PKP1: variants seen among roughly 807,000 people sequenced by gnomAD.
PKP1 encodes the protein plakophilin 1.
Under a neutral mutation model 76.4 loss-of-function variants are expected in PKP1, and 27 were observed. The observed-to-expected ratio is 0.35, with a 90% CI of 0.26 to 0.49. The LOEUF (loss-of-function observed/expected upper bound fraction) is 0.49, where lower values mean the gene tolerates loss of function less well. Ranked by LOEUF, PKP1 falls within the 20% of genes least tolerant of loss-of-function variation. PKP1 has a pLI of 0.99. For missense variants in PKP1, 964 were observed against 955.2 expected, an observed-to-expected ratio of 1.01 and a Z score of -0.12; for synonymous variants, 404 against 384.2, an observed-to-expected ratio of 1.05 and a Z score of -0.60.
intron 2 of PKP1, among the ~76,000 whole-genome samples, chr1:201,306,905 C>T (rs1007830979): frequency 1.3e-5 from 2 of 152,086 alleles, no homozygotes; most frequent in African/African-American, 4.8e-5. Flanking sequence ...CTCCTGACCT[C>T]GTGATCCGCC....
At chr1:201,318,533 C>T in intron 5 of PKP1, 85 bp from the exon 6 acceptor site, 1 of 1,220,542 alleles carries the variant, frequency 8.2e-7, no homozygotes. Flanking sequence ...GGCCCATTTG[C>T]CAGAGTCCAG....
chr1:201,314,682 C>T (rs755277867), intron 3 of PKP1, among the ~76,000 whole-genome samples: 3 of 152,192 alleles, frequency 2.0e-5, no homozygotes, highest in Non-Finnish European at 2.9e-5. Context: ...CTGGGGGCTC[C>T]CTGAACCTTT....
rs1428059324 is a variant in PKP1 at position 201,325,745 on chromosome 1, C to T, written c.2022-9C>T. The T allele has an allele frequency of 2.5e-6, 4 of 1,609,924 alleles. No homozygotes were observed. The highest frequency in any genetic ancestry group is 3.3e-5 in the Admixed American group (2 of 60,026). On this transcript the variant is annotated splice_polypyrimidine_tract_variant and intron_variant, in intron 11 of 13. Coordinates refer to ENST00000367324, the MANE Select transcript of PKP1 (RefSeq NM_001005337.3). ...TCTCATCTCACAAATGCACTTCTCA[C>T]CTGCCCAGTGCCTCACCCAAGGCCG...
chr1:201,318,695 C>G lies in PKP1; in HGVS notation c.1132C>G (p.Arg378Gly). 1.9e-6 allele frequency: 3 copies of G among 1,612,288 alleles called. No homozygotes were observed. The highest frequency in any genetic ancestry group is 2.5e-6 in the Non-Finnish European group (3 of 1,179,912). Residue 378 changes from arginine to glycine, a missense_variant, in exon 6 of 14, where the codon CGC (arginine) becomes GGC (glycine). Physicochemically the swap from Arg to Gly is moderately radical, Grantham distance 125. Coordinates refer to ENST00000367324, the MANE Select transcript of PKP1 (RefSeq NM_001005337.3). The part of the protein sequence containing the change: ...IADALPVLAD[R>G]VIIPFSGWCD... ...CGACGCCCTGCCTGTTCTGGCCGACCGCGTCATCATTCCCTTCTCTGGCTG... is the reference window on the plus strand; with the variant it reads ...CGACGCCCTGCCTGTTCTGGCCGACGGCGTCATCATTCCCTTCTCTGGCTG...
intron 1 of PKP1, among the ~76,000 whole-genome samples, chr1:201,285,990 C>T (rs544543887): frequency 6.6e-6 from 1 of 152,372 alleles, no homozygotes; most frequent in East Asian, 1.9e-4. Flanking sequence ...GCAGAGGCAT[C>T]CTTGCTGGAA....
intron 1 of PKP1, among the ~76,000 whole-genome samples, chr1:201,287,165 G>T (rs1185293254): frequency 6.6e-6 from 1 of 152,250 alleles, no homozygotes; most frequent in Non-Finnish European, 1.5e-5. Context: ...TAGAAGTACT[G>T]TTTCCCATCT....
At chr1:201,311,938 C>A (rs1296270486) in intron 2 of PKP1, among the ~76,000 whole-genome samples, 7 of 152,248 alleles carry the variant, frequency 4.6e-5, no homozygotes, top group Admixed American at 1.3e-4. Context: ...AAGTCTCCAA[C>A]CTCACAGGCC....
intron 1 of PKP1, among the ~76,000 whole-genome samples, chr1:201,290,121 C>T (rs1558182389): frequency 6.6e-6 from 1 of 152,108 alleles, no homozygotes; most frequent in Non-Finnish European, 1.5e-5. Context: ...GTCTAAGGCA[C>T]CAAAGGGAAG....
chr1:201,320,994 G>T (rs756678380), intron 7 of PKP1, among the ~76,000 whole-genome samples: 3 of 152,216 alleles, frequency 2.0e-5, no homozygotes, highest in Non-Finnish European at 4.4e-5. Context: ...AAAAGTTGTG[G>T]AGGGCAGATA....
At chr1:201,291,875 G>A (rs1461985495) in intron 1 of PKP1, among the ~76,000 whole-genome samples, 1 of 152,210 alleles carries the variant, frequency 6.6e-6, no homozygotes, top group Non-Finnish European at 1.5e-5. Context: ...CCTTCCTTGG[G>A]AGCACCAGTC....
At chr1:201,326,592 C>T (rs559359310) in intron 12 of PKP1, among the ~76,000 whole-genome samples, 6 of 152,332 alleles carry the variant, frequency 3.9e-5, no homozygotes, top group African/African-American at 1.4e-4. Flanking sequence ...TTCATAAAGA[C>T]ACATCAGATG....
chr1:201,319,950 C>A (rs937465691), intron 6 of PKP1: 110 of 1,499,044 alleles, frequency 7.3e-5, no homozygotes, highest in Admixed American at 3.2e-4. Context: ...AGTTACTGGG[C>A]AGAGTGAAGG....
chr1:201,317,449 G>C, intron 4 of PKP1, 123 bp from the exon 5 acceptor site: 1 of 842,372 alleles, frequency 1.2e-6, no homozygotes, highest in Non-Finnish European at 2.0e-6. Flanking sequence ...TATTTTGGTT[G>C]ACTTGAATAT....
At chr1:201,316,033 T>C (rs4915507) in intron 3 of PKP1, among the ~76,000 whole-genome samples, 1 of 149,988 alleles carries the variant, frequency 6.7e-6, no homozygotes, top group Non-Finnish European at 1.5e-5. Context: ...TGGGGATGGA[T>C]AGATGGATGG....
chr1:201,295,265 T>C (rs985746683), intron 2 of PKP1, among the ~76,000 whole-genome samples: 1 of 152,154 alleles, frequency 6.6e-6, no homozygotes, highest in East Asian at 1.9e-4. Context: ...CTGAGTTCTT[T>C]TGGGGGCTAA....
Position 201,325,825 on chromosome 1 carries a change from G to T in PKP1, c.2093G>T (p.Gly698Val), listed in dbSNP as rs201628992. Residue 698 changes from glycine (G) to valine (V), a missense_variant, in exon 12 of 14, where the codon GGT becomes GTT. Physicochemically the swap from Gly to Val is moderately radical, Grantham distance 109 (BLOSUM62 -3). Transcript: ENST00000367324. ...ATGTGGTCCAGCAAGGAACTGCAGG[G>T]TGTCCTCAGACAGGTAAGAGCCCAG... The part of the protein sequence containing the change: ...SDMWSSKELQ[G>V]VLRQQGFDRN... The T allele has an allele frequency of 5.0e-6, 8 of 1,613,590 alleles. No homozygotes were observed. Among genetic ancestry groups the T allele is most frequent in the Non-Finnish European group, 4.2e-6 (5 of 1,179,574 alleles).
At chr1:201,328,566 T>C (rs761269360) in intron 12 of PKP1, 196 bp from the exon 13 acceptor site, 18 of 639,004 alleles carry the variant, frequency 2.8e-5, no homozygotes, top group Non-Finnish European at 4.9e-5. Flanking sequence ...TCAAACACAT[T>C]GCACCGACTC....
At chr1:201,296,194 G>A (rs1023213840) in intron 2 of PKP1, among the ~76,000 whole-genome samples, 19 of 152,226 alleles carry the variant, frequency 1.2e-4, no homozygotes, top group African/African-American at 4.3e-4. Flanking sequence ...ATGAAGATTT[G>A]GCAGAGGGAG....
At chr1:201,321,877 G>T in intron 7 of PKP1, 101 bp from the exon 8 acceptor site, 4 of 1,378,024 alleles carry the variant, frequency 2.9e-6, no homozygotes, top group Non-Finnish European at 4.1e-6. Context: ...TCCCGATGCA[G>T]CCCAGGTGCC....
Sources: allele counts gnomAD v4.1 joint callset (sites outside exome capture counted in the v4.1 genomes callset), GRCh38; gene constraint gnomAD v4.1.1; transcripts MANE v1.5; gene names NCBI Gene and HGNC (gene_info 2026-07-23, HGNC 2026-07-21).